TRAPPC9: variants seen among roughly 807,000 people sequenced by gnomAD.
TRAPPC9 encodes IKK2 binding protein.
In TRAPPC9, 83 loss-of-function variants were observed where a neutral mutation model predicts 124.0. The observed-to-expected ratio is 0.67, with a 90% CI of 0.56 to 0.80. The LOEUF (loss-of-function observed/expected upper bound fraction) is 0.80. Among genes scored for constraint, TRAPPC9 ranks in the 30% least tolerant of loss-of-function variants. TRAPPC9 has a pLI of 0.00. For synonymous variants in TRAPPC9, 638 were observed against 617.5 expected, an observed-to-expected ratio of 1.03 and a Z score of -0.49; for missense variants, 1,302 against 1,508.3, an observed-to-expected ratio of 0.86 and a Z score of 2.27.
chr8:139,962,811 G>A, intron 19 of TRAPPC9, among the ~76,000 whole-genome samples: 1 of 73,158 alleles, frequency 1.4e-5, no homozygotes, highest in South Asian at 4.7e-4. Context: ...AATGGAGAGA[G>A]GGAGGCAGTT....
intron 17 of TRAPPC9, among the ~76,000 whole-genome samples, chr8:140,033,686 T>TTTG (rs1563706982): frequency 3.3e-4 from 39 of 117,986 alleles, no homozygotes; most frequent in South Asian, 8.9e-4. Flanking sequence ...TTTTTTTTTT[T>TTTG]TTTTTTTTTT....
intron 21 of TRAPPC9, among the ~76,000 whole-genome samples, chr8:139,789,520 C>T (rs1046107119): frequency 6.6e-6 from 1 of 152,190 alleles, no homozygotes. Context: ...CACTTTAACA[C>T]AGGGAGGGGC....
At chr8:139,976,041 G>A (rs1475210256) in intron 19 of TRAPPC9, among the ~76,000 whole-genome samples, 1 of 138,550 alleles carries the variant, frequency 7.2e-6, no homozygotes, top group Non-Finnish European at 1.5e-5. Flanking sequence ...ACAGGCGCCC[G>A]CCACCTCGCC....
intron 17 of TRAPPC9, among the ~76,000 whole-genome samples, chr8:140,193,514 T>C (rs766576116): frequency 6.6e-6 from 1 of 151,510 alleles, no homozygotes; most frequent in African/African-American, 2.4e-5. Context: ...AAACTGTCCA[T>C]TTTTTATATC....
At chr8:140,240,733 T>C (rs1197682720) in intron 16 of TRAPPC9, among the ~76,000 whole-genome samples, 3 of 152,060 alleles carry the variant, frequency 2.0e-5, no homozygotes, top group African/African-American at 7.2e-5. Flanking sequence ...TTTGTAGAGA[T>C]GGGGTCTTGT....
intron 21 of TRAPPC9, among the ~76,000 whole-genome samples, chr8:139,827,862 C>A (rs578008289): frequency 6.6e-6 from 1 of 152,304 alleles, no homozygotes; most frequent in South Asian, 2.1e-4. Context: ...CGTCAAGGAG[C>A]TTTTACTCAT....
rs192758584 is a variant in TRAPPC9 at position 140,102,748 on chromosome 8, G to C, written c.2557-78669C>G. ...GAGGCCGGCCTGCAAAGGCCAACAA[G>C]AATGGCAGTGTGGACTCGGAGTACA... On this transcript the variant is annotated intron_variant, in intron 17 of 22. Transcript: ENST00000438773. 1.8e-3 allele frequency among the ~76,000 whole-genome samples: 269 copies of C among 152,348 alleles called. 1 individual carries two copies. The highest frequency in any genetic ancestry group is 6.3e-3 in the African/African-American group (261 of 41,568).
chr8:140,083,442 G>C (rs559626545), intron 17 of TRAPPC9, among the ~76,000 whole-genome samples: 20 of 152,224 alleles, frequency 1.3e-4, no homozygotes, highest in African/African-American at 4.3e-4. Context: ...TATTAGCGCT[G>C]AGTGAATAAG....
chr8:140,306,379 A>G (rs2066136013), intron 10 of TRAPPC9, among the ~76,000 whole-genome samples: 1 of 151,742 alleles, frequency 6.6e-6, no homozygotes, highest in South Asian at 2.1e-4. Context: ...CTGTAGTCCC[A>G]GCTACTCGGA....
chr8:139,932,204 GC>G, intron 19 of TRAPPC9: 2 of 409,558 alleles, frequency 4.9e-6, no homozygotes. Context: ...AGCCAGGCAG[GC>G]CCCGCAGGCA....
At chr8:140,381,377 G>A (rs2068602996) in intron 7 of TRAPPC9, among the ~76,000 whole-genome samples, 1 of 152,034 alleles carries the variant, frequency 6.6e-6, no homozygotes, top group South Asian at 2.1e-4. Context: ...TTTAAAACTT[G>A]ACAAAGAGGA....
chr8:139,886,421 A>C (rs1453664869), intron 20 of TRAPPC9, among the ~76,000 whole-genome samples: 2 of 152,196 alleles, frequency 1.3e-5, no homozygotes, highest in Non-Finnish European at 2.9e-5. Flanking sequence ...ACATATTATT[A>C]CGAACGAACT....
chr8:139,777,916 G>A (rs1045998136), intron 21 of TRAPPC9, among the ~76,000 whole-genome samples: 1 of 152,076 alleles, frequency 6.6e-6, no homozygotes, highest in Non-Finnish European at 1.5e-5. Flanking sequence ...TGAGAGTCTA[G>A]GAAGGTGAAT....
chr8:139,894,630 AAGACATC>A (rs767640986), intron 20 of TRAPPC9, among the ~76,000 whole-genome samples: 2 of 152,212 alleles, frequency 1.3e-5, no homozygotes, highest in Non-Finnish European at 2.9e-5. Context: ...TTCAGTAAAA[AAGACATC>A]AGATCTCACT....
At chr8:139,961,131 G>GAAACCCACATGTGTCCTCGGAC (rs1587349623) in intron 19 of TRAPPC9, among the ~76,000 whole-genome samples, 2 of 124,932 alleles carry the variant, frequency 1.6e-5, no homozygotes, top group African/African-American at 5.1e-5. Context: ...AGGACAGCAG[G>GAAACCCACATGTGTCCTCGGAC]AAACCCACAT....
At chr8:140,395,086 C>T (rs770722617) in intron 7 of TRAPPC9, among the ~76,000 whole-genome samples, 2 of 152,196 alleles carry the variant, frequency 1.3e-5, no homozygotes, top group Non-Finnish European at 2.9e-5. Flanking sequence ...GTCAGGTTCC[C>T]GCTTCTGACC....
At chr8:140,114,964 T>C (rs747059921) in intron 17 of TRAPPC9, among the ~76,000 whole-genome samples, 1 of 152,132 alleles carries the variant, frequency 6.6e-6, no homozygotes, top group Non-Finnish European at 1.5e-5. Context: ...TGCTAGACCA[T>C]GGAAGGAGAG....
intron 3 of TRAPPC9, among the ~76,000 whole-genome samples, chr8:140,436,662 G>A (rs1400591123): frequency 6.6e-6 from 1 of 152,146 alleles, no homozygotes; most frequent in Non-Finnish European, 1.5e-5. Flanking sequence ...TCCTCATCCA[G>A]TCCAGCGCCG....
intron 4 of TRAPPC9, among the ~76,000 whole-genome samples, chr8:140,432,819 C>T (rs1383167079): frequency 6.6e-6 from 1 of 151,790 alleles, no homozygotes; most frequent in East Asian, 1.9e-4. Flanking sequence ...TTGCAGTGAG[C>T]CGAGATCGCG....
Sources: allele counts gnomAD v4.1 joint callset (sites outside exome capture counted in the v4.1 genomes callset), GRCh38; gene constraint gnomAD v4.1.1; transcripts MANE v1.5; gene names NCBI Gene and HGNC (gene_info 2026-07-23, HGNC 2026-07-21).